ZNF521: variants seen among roughly 807,000 people sequenced by gnomAD.
ZNF521 encodes zinc finger protein 521, also known as LYST-interacting protein 3.
Under a neutral mutation model 105.5 loss-of-function variants are expected in ZNF521, and 14 were observed. That is an observed-to-expected ratio of 0.13 (90% CI 0.09 to 0.21). The LOEUF is 0.21. ZNF521 is among the 10% of genes least tolerant of loss of function. ZNF521 has a pLI of 1.00. For missense variants in ZNF521, 1,233 were observed against 1,629.7 expected (o/e 0.76, Z 4.19); for synonymous variants, 635 against 606.0 (o/e 1.05, Z -0.70).
intron 3 of ZNF521, among the ~76,000 whole-genome samples, chr18:25,284,387 G>A (rs148900755): frequency 3.9e-4 from 60 of 152,084 alleles, no homozygotes; most frequent in African/African-American, 1.4e-3. Flanking sequence ...CGAGTCTGAA[G>A]CTTGCAGATC....
intron 5 of ZNF521, among the ~76,000 whole-genome samples, chr18:25,119,528 C>T (rs1004739033): frequency 6.6e-6 from 1 of 151,404 alleles, no homozygotes; most frequent in Non-Finnish European, 1.5e-5. Flanking sequence ...CTAGGAAAAT[C>T]TCAAATATTT....
At chr18:25,189,562 T>C (rs1005467568) in intron 5 of ZNF521, among the ~76,000 whole-genome samples, 1 of 152,200 alleles carries the variant, frequency 6.6e-6, no homozygotes, top group African/African-American at 2.4e-5. Context: ...CATCCTGAGA[T>C]CTATAAGGCA....
At chr18:25,107,226 A>G (rs1476031886) in intron 5 of ZNF521, among the ~76,000 whole-genome samples, 1 of 152,256 alleles carries the variant, frequency 6.6e-6, no homozygotes, top group Non-Finnish European at 1.5e-5. Context: ...AATAACATAT[A>G]TAAAGTATCT....
chr18:25,325,241 T>A (rs1476778727), intron 2 of ZNF521, among the ~76,000 whole-genome samples: 2 of 152,188 alleles, frequency 1.3e-5, no homozygotes, highest in Non-Finnish European at 2.9e-5. Context: ...GGGGTTTGCA[T>A]CCCTAATGCC....
chr18:25,244,147 T>C (rs1907539672), intron 3 of ZNF521, among the ~76,000 whole-genome samples: 1 of 152,064 alleles, frequency 6.6e-6, no homozygotes, highest in Admixed American at 6.6e-5. Context: ...AAGGAAATCA[T>C]AGCCATCCTG....
chr18:25,271,972 A>G (rs1167099117), intron 3 of ZNF521, among the ~76,000 whole-genome samples: 2 of 152,206 alleles, frequency 1.3e-5, no homozygotes, highest in African/African-American at 4.8e-5. Flanking sequence ...CAGAGTGAAG[A>G]GGCAACCTAC....
chr18:25,297,130 C>T (rs1911369161), intron 3 of ZNF521, among the ~76,000 whole-genome samples: 1 of 150,780 alleles, frequency 6.6e-6, no homozygotes, highest in Admixed American at 6.6e-5. Flanking sequence ...TTTATACACA[C>T]ACACACACAC....
In ZNF521 at chr18:25,074,505, C is replaced by T. The variant is rs1182959611; in HGVS notation, c.3907-11764G>A. 2.6e-5 allele frequency among the ~76,000 whole-genome samples: 4 copies of T among 152,088 alleles called. No homozygotes were observed. The East Asian group carries it at 5.8e-4, about 22-fold the overall frequency. The stretch of plus-strand genomic sequence containing the variant: ...GAAAATTTCAGGTCTCTTTCTTTAA[C>T]GATCCCTCCCCACCCCCTAAAATCA... On this transcript the variant is annotated intron_variant, in intron 7 of 7. Coordinates refer to ENST00000361524, the MANE Select transcript of ZNF521 (RefSeq NM_015461.3).
chr18:25,279,222 G>A (rs149288964), intron 3 of ZNF521, among the ~76,000 whole-genome samples: 9 of 152,250 alleles, frequency 5.9e-5, no homozygotes, highest in Non-Finnish European at 1.0e-4. Context: ...ACATCAATCA[G>A]ACTTATTATG....
At chr18:25,273,262 A>G (rs1258662085) in intron 3 of ZNF521, among the ~76,000 whole-genome samples, 2 of 149,096 alleles carry the variant, frequency 1.3e-5, no homozygotes, top group Non-Finnish European at 3.0e-5. Flanking sequence ...GACATTTTAA[A>G]TATCTGCAAC....
chr18:25,201,694 AT>A (rs1387342663), intron 4 of ZNF521: 3 of 152,270 alleles, frequency 2.0e-5, no homozygotes, highest in South Asian at 4.1e-4. Context: ...CAACCCTGAA[AT>A]CAGGATGTTG....
chr18:25,319,977 G>A (rs1912850135), intron 3 of ZNF521, among the ~76,000 whole-genome samples: 2 of 152,134 alleles, frequency 1.3e-5, no homozygotes, highest in African/African-American at 2.4e-5. Context: ...CTTCAAAAAT[G>A]TCATGGTCAG....
intron 5 of ZNF521, among the ~76,000 whole-genome samples, chr18:25,118,085 T>C (rs1377674169): frequency 6.6e-6 from 1 of 152,116 alleles, no homozygotes; most frequent in Admixed American, 6.5e-5. Context: ...ATTTGAATGA[T>C]TTCTGTCTTC....
chr18:25,272,239 G>A (rs1909711818), intron 3 of ZNF521, among the ~76,000 whole-genome samples: 2 of 152,118 alleles, frequency 1.3e-5, no homozygotes, highest in Non-Finnish European at 1.5e-5. Flanking sequence ...TTAGAATGGT[G>A]ATCATTAAAA....
chr18:25,213,314 A>G (rs1819141249), intron 4 of ZNF521, among the ~76,000 whole-genome samples: 1 of 151,056 alleles, frequency 6.6e-6, no homozygotes, highest in Admixed American at 6.6e-5. Flanking sequence ...TTATTAGGGT[A>G]AGGGAATTCC....
intron 3 of ZNF521, among the ~76,000 whole-genome samples, chr18:25,257,345 G>A (rs1362868814): frequency 3.3e-5 from 5 of 152,156 alleles, no homozygotes; most frequent in African/African-American, 1.2e-4. Context: ...CTAGGAGTGA[G>A]TTTTAGTAGT....
intron 7 of ZNF521, among the ~76,000 whole-genome samples, chr18:25,063,475 T>C (rs770436212): frequency 1.4e-4 from 22 of 152,182 alleles, no homozygotes; most frequent in Non-Finnish European, 3.1e-4. Flanking sequence ...TGCTCATCTA[T>C]GCTAGCATGT....
intron 3 of ZNF521, among the ~76,000 whole-genome samples, chr18:25,296,847 T>A (rs1911345738): frequency 6.6e-6 from 1 of 152,184 alleles, no homozygotes; most frequent in Non-Finnish European, 1.5e-5. Context: ...CTAGACAATA[T>A]GCTCCTAAGA....
chr18:25,086,903 G>A (rs2033635897), intron 7 of ZNF521, among the ~76,000 whole-genome samples: 1 of 152,118 alleles, frequency 6.6e-6, no homozygotes, highest in Admixed American at 6.5e-5. Flanking sequence ...TCAAAGGGTG[G>A]CCCAGGGACT....
Sources: gnomAD v4.1 joint callset for allele counts (sites outside exome capture counted in the v4.1 genomes callset) on GRCh38, gnomAD v4.1.1 for gene constraint, MANE v1.5 for transcripts, NCBI Gene and HGNC (gene_info 2026-07-23, HGNC 2026-07-21) for gene names.